Variants in VEZT observed in about 807,000 individuals in gnomAD.
VEZT encodes the protein vezatin.
A neutral mutation model predicts 79.9 loss-of-function variants in VEZT; 39 were observed. That is an observed-to-expected ratio of 0.49 (90% confidence interval 0.38 to 0.64). The LOEUF (loss-of-function observed/expected upper bound fraction) is 0.64. VEZT is among the 30% of genes least tolerant of loss of function. The pLI is 0.00. For synonymous variants in VEZT, 325 were observed against 327.6 expected, an observed-to-expected ratio of 0.99 and a Z score of 0.09; for missense variants, 837 against 893.1, an observed-to-expected ratio of 0.94 and a Z score of 0.80.
chr12:95,239,226 CA>C (rs985641160), intron 1 of VEZT, among the ~76,000 whole-genome samples: 4 of 151,968 alleles, frequency 2.6e-5, no homozygotes, highest in African/African-American at 9.7e-5. Flanking sequence ...CAGTAAAAAA[CA>C]AAAAAACAAA....
Position 95,257,152 on chromosome 12 carries a change from A to G in VEZT, c.171A>G (p.Gln57=), listed in dbSNP as rs1240703516. Residue 57 remains glutamine (Q), a splice_region_variant and synonymous_variant, in exon 3 of 12, where the codon CAA becomes CAG. Transcript: ENST00000436874. ...ACAATGTCATTCATTTCCTTCAGCAAGGTATCCTGTTAAAAGTGGCTGAAA... is the reference window on the plus strand; with the variant it reads ...ACAATGTCATTCATTTCCTTCAGCAGGGTATCCTGTTAAAAGTGGCTGAAA... The part of the protein sequence containing the change: ...QKPPTRVLPK[Q]GILLKVAETI... The G allele has an allele frequency of 2.8e-5, 45 of 1,608,902 alleles. No individual in the cohort carries two copies. The highest frequency in any genetic ancestry group is 3.8e-5 in the Non-Finnish European group (45 of 1,177,720).
chr12:95,266,288 CT>C, intron 4 of VEZT, 68 bp from the exon 5 acceptor site: 4 of 1,472,160 alleles, frequency 2.7e-6, no homozygotes, highest in Non-Finnish European at 3.6e-6. Flanking sequence ...TTTGTTTTTA[CT>C]GATTAAAGTA....
intron 9 of VEZT, among the ~76,000 whole-genome samples, chr12:95,290,358 T>A (rs746387067): frequency 6.6e-6 from 1 of 152,164 alleles, no homozygotes; most frequent in Non-Finnish European, 1.5e-5. Context: ...CAAAAGCCTA[T>A]ACATAAATAT....
intron 6 of VEZT, 87 bp downstream of exon 6, chr12:95,270,275 C>A: frequency 7.4e-7 from 1 of 1,351,752 alleles, no homozygotes; most frequent in Non-Finnish European, 9.9e-7. Context: ...TGAAAGTTTA[C>A]TGTAAAGTGA....
intron 1 of VEZT, among the ~76,000 whole-genome samples, chr12:95,228,471 A>C (rs546587815): frequency 6.6e-6 from 1 of 152,122 alleles, no homozygotes; most frequent in South Asian, 2.1e-4. Flanking sequence ...CCTGTCTAGA[A>C]TAATTATACA....
intron 9 of VEZT, among the ~76,000 whole-genome samples, chr12:95,293,179 C>T (rs752380719): frequency 6.6e-6 from 1 of 152,144 alleles, no homozygotes; most frequent in Non-Finnish European, 1.5e-5. Context: ...TAGAAAGCAG[C>T]AAGAGCTGGG....
chr12:95,288,811 T>C lies in VEZT; in HGVS notation c.1522+954T>C, dbSNP rs80155715. Reference sequence around the variant, plus strand: ...CCAAAGGATAAATCTACCAAGAAACTCTGATATATGCAAATACTTATGCAT... The same window carrying C: ...CCAAAGGATAAATCTACCAAGAAACCCTGATATATGCAAATACTTATGCAT... On this transcript the variant is annotated intron_variant, in intron 9 of 11. Transcript: ENST00000436874. Among the ~76,000 whole-genome samples the C allele has an allele frequency of 6.6e-3, 1,002 of 152,248 alleles. 12 individuals carry two copies. The highest frequency in any genetic ancestry group is 0.023 in the African/African-American group (948 of 41,542).
rs1257366995 is a variant in VEZT, at chr12:95,300,939, C to A, written c.*266C>A. 2 of 249,988 alleles carry A rather than the reference C, an allele frequency of 8.0e-6. No individual in the cohort carries two copies. The allele number at this position is 249,988 out of a possible 1,614,324, so 15.5% of individuals were successfully genotyped here. A position where few individuals can be genotyped will look rare whatever the true frequency, so the allele number is the denominator to read the frequency against. On this transcript the variant is annotated 3_prime_UTR_variant, in exon 12 of 12. Coordinates refer to ENST00000436874, the MANE Select transcript of VEZT (RefSeq NM_017599.4). ...GCACAACTGATCAATCTTGGAAATT[C>A]TTTAAGTATTTTTAATAAGAAATGA...
intron 7 of VEZT, among the ~76,000 whole-genome samples, chr12:95,280,387 G>T (rs1330840122): frequency 6.6e-6 from 1 of 151,814 alleles, no homozygotes; most frequent in Non-Finnish European, 1.5e-5. Context: ...TCCTTCAGGT[G>T]ACACTTTTAG....
At chr12:95,292,215 A>G (rs879344286) in intron 9 of VEZT, among the ~76,000 whole-genome samples, 2 of 152,220 alleles carry the variant, frequency 1.3e-5, no homozygotes, top group Non-Finnish European at 2.9e-5. Flanking sequence ...AATTGGTCAC[A>G]GTGGGTGCAT....
At chr12:95,298,025 CAGG>C (rs1481253183) in intron 11 of VEZT, among the ~76,000 whole-genome samples, 5 of 152,038 alleles carry the variant, frequency 3.3e-5, no homozygotes, top group African/African-American at 4.8e-5. Context: ...GAGGCTGAGG[CAGG>C]AGAATCGCTT....
chr12:95,299,799 A>G (rs1235074788), intron 11 of VEZT: 1 of 155,280 alleles, frequency 6.4e-6, no homozygotes, highest in Non-Finnish European at 1.4e-5. Flanking sequence ...CAGAGTTTCC[A>G]TTTCAGGAGG....
rs2071376579 is a variant in VEZT, at chr12:95,287,803, G to A, written c.1468G>A (p.Glu490Lys). Residue 490 changes from glutamate to lysine, a missense_variant, in exon 9 of 12, where the codon GAA (glutamate) becomes AAA (lysine). Transcript: ENST00000436874. ...PHVQASNNCW[E>K]EAISQVDKLL... ...CGTTCAAGCAAGCAACAATTGCTGGGAAGAGGCCATTTCTCAGGTCGACAA... is the reference window on the plus strand; with the variant it reads ...CGTTCAAGCAAGCAACAATTGCTGGAAAGAGGCCATTTCTCAGGTCGACAA... The A allele has an allele frequency of 5.0e-6, 8 of 1,608,262 alleles. No homozygotes were observed. Among genetic ancestry groups the A allele is most frequent in the African/African-American group, 1.3e-5 (1 of 74,974 alleles).
rs1319729823 is a variant in VEZT at position 95,287,777 on chromosome 12, A to G, written c.1442A>G (p.His481Arg). Reference protein sequence around the residue: ...LEQKLKLIQPHVQASNNCWEE... With the variant: ...LEQKLKLIQPRVQASNNCWEE... ...CAGAAATTAAAGTTGATTCAGCCCC[A>G]CGTTCAAGCAAGCAACAATTGCTGG... Residue 481 changes from histidine (H) to arginine (R), a missense_variant, in exon 9 of 12, where the codon CAC (histidine) becomes CGC (arginine). Physicochemically the swap from His to Arg is conservative, Grantham distance 29. Transcript: ENST00000436874. The G allele has an allele frequency of 1.2e-6, 2 of 1,608,686 alleles. No homozygotes were observed. Among genetic ancestry groups the G allele is most frequent in the Admixed American group, 1.7e-5 (1 of 59,446 alleles).
intron 8 of VEZT, among the ~76,000 whole-genome samples, chr12:95,285,982 C>CT (rs869030351): frequency 0.19 from 16,400 of 85,710 alleles, 4,009 homozygotes; most frequent in Non-Finnish European, 0.26. Flanking sequence ...CCGACCCCTT[C>CT]TTTTTTTTTT....
At chr12:95,266,673 C>A in intron 5 of VEZT, 41 bp downstream of exon 5, 2 of 1,512,826 alleles carry the variant, frequency 1.3e-6, no homozygotes, top group African/African-American at 1.4e-5. Flanking sequence ...TGATTATTTT[C>A]TATTCCATAA....
intron 8 of VEZT, 104 bp from the exon 9 acceptor site, chr12:95,287,560 C>T: frequency 8.6e-7 from 1 of 1,157,456 alleles, no homozygotes; most frequent in East Asian, 2.7e-5. Context: ...GCCTTGGCCT[C>T]CCAAAGTGCT....
chr12:95,245,541 G>A (rs771680719), intron 1 of VEZT: 43 of 456,596 alleles, frequency 9.4e-5, no homozygotes, highest in South Asian at 3.4e-4. Context: ...GCCTGACATG[G>A]AAGATGTTCA....
At chr12:95,292,455 G>T (rs2073111326) in intron 9 of VEZT, among the ~76,000 whole-genome samples, 1 of 151,982 alleles carries the variant, frequency 6.6e-6, no homozygotes, top group Non-Finnish European at 1.5e-5. Context: ...CAGTTTTTGA[G>T]CATGTAATCT....
Sources: allele counts gnomAD v4.1 joint callset (sites outside exome capture counted in the v4.1 genomes callset), GRCh38; gene constraint gnomAD v4.1.1; transcripts MANE v1.5; gene names NCBI Gene and HGNC (gene_info 2026-07-23, HGNC 2026-07-21).